EXOC6: variants seen among roughly 807,000 people sequenced by gnomAD.
EXOC6 encodes exocyst complex component 6.
A neutral mutation model predicts 112.5 loss-of-function variants in EXOC6; 60 were observed. The ratio of observed to expected loss-of-function variants is 0.53; its 90% CI spans 0.43 to 0.66. The LOEUF (loss-of-function observed/expected upper bound fraction) is 0.66. Ranked by LOEUF, EXOC6 falls within the 30% of genes least tolerant of loss-of-function variation. EXOC6 has a pLI of 0.00. For synonymous variants in EXOC6, 295 were observed against 308.0 expected (o/e 0.96, Z 0.44); for missense variants, 855 against 957.1 (o/e 0.89, Z 1.41).
At chr10:92,949,742 G>A (rs900355444) in intron 14 of EXOC6, among the ~76,000 whole-genome samples, 6 of 151,902 alleles carry the variant, frequency 3.9e-5, no homozygotes, top group Middle Eastern at 3.2e-3. Flanking sequence ...ACAGGCATGC[G>A]CCACCATGCC....
At chr10:92,918,390 C>T (rs1042607508) in intron 7 of EXOC6, among the ~76,000 whole-genome samples, 10 of 150,904 alleles carry the variant, frequency 6.6e-5, no homozygotes, top group African/African-American at 2.2e-4. Context: ...AATGGGTGAA[C>T]AGCTGAGTGT....
intron 7 of EXOC6, among the ~76,000 whole-genome samples, chr10:92,916,346 C>T (rs1851087429): frequency 6.6e-6 from 1 of 152,028 alleles, no homozygotes; most frequent in African/African-American, 2.4e-5. Flanking sequence ...CCTGTCTCTA[C>T]TAAAAATATA....
intron 18 of EXOC6, among the ~76,000 whole-genome samples, chr10:92,985,289 T>G (rs1350757084): frequency 6.6e-6 from 1 of 152,168 alleles, no homozygotes; most frequent in African/African-American, 2.4e-5. Context: ...ATTTTTATCC[T>G]CATTCATACC....
Position 92,894,830 on chromosome 10 carries a change from G to A in EXOC6, c.310G>A (p.Ala104Thr), listed in dbSNP as rs775802067. ...TGATACCAACCGAAGGTTTCAAGAT[G>A]CTGGAAAAGAGGTGAGAAAATGATA... ...VTDTNRRFQD[A>T]GKEVIVHTED... Residue 104 changes from alanine to threonine, a missense_variant, in exon 3 of 22, where the codon GCT (alanine) becomes ACT (threonine). Around this residue, in one of 2 missense-constraint regions of EXOC6, gnomAD observed 405 missense variants for 393.6 expected, o/e 1.03. Coordinates refer to ENST00000260762, the MANE Select transcript of EXOC6 (RefSeq NM_019053.6). The A allele has an allele frequency of 3.1e-6, 5 of 1,613,404 alleles. No homozygotes were observed. The highest frequency in any genetic ancestry group is 1.3e-5 in the African/African-American group (1 of 74,904).
chr10:92,957,871 T>G (rs776072784), intron 17 of EXOC6, among the ~76,000 whole-genome samples: 3 of 152,154 alleles, frequency 2.0e-5, no homozygotes, highest in Admixed American at 6.5e-5. Flanking sequence ...CAAAAACGAT[T>G]GAAGTACAGT....
chr10:92,990,651 T>C (rs1200295683), intron 18 of EXOC6, among the ~76,000 whole-genome samples: 2 of 152,192 alleles, frequency 1.3e-5, no homozygotes, highest in Non-Finnish European at 2.9e-5. Context: ...CCAGGGTACA[T>C]GTGCAGGATG....
chr10:92,920,072 G>A (rs1278391181), intron 8 of EXOC6, 22 bp downstream of exon 8: 9 of 1,441,640 alleles, frequency 6.2e-6, no homozygotes, highest in Non-Finnish European at 8.6e-6. Context: ...TTATATTTAT[G>A]TATATATAGC....
chr10:92,921,112 A>G (rs1318063387), intron 8 of EXOC6, among the ~76,000 whole-genome samples: 1 of 152,022 alleles, frequency 6.6e-6, no homozygotes, highest in Non-Finnish European at 1.5e-5. Context: ...GGTAGGATTT[A>G]TGTCTGCTCT....
At chr10:93,010,416 G>A (rs1844183771) in intron 19 of EXOC6, among the ~76,000 whole-genome samples, 1 of 152,068 alleles carries the variant, frequency 6.6e-6, no homozygotes, top group African/African-American at 2.4e-5. Flanking sequence ...GTAAAATGAA[G>A]GACTCAGCTG....
chr10:92,897,999 A>G (rs1849922378), intron 4 of EXOC6, among the ~76,000 whole-genome samples: 2 of 152,202 alleles, frequency 1.3e-5, no homozygotes, highest in South Asian at 2.1e-4. Context: ...ATAACTTTCT[A>G]CATTGACTGA....
chr10:92,863,548 G>A (rs950256042), intron 1 of EXOC6, among the ~76,000 whole-genome samples: 1 of 152,102 alleles, frequency 6.6e-6, no homozygotes, highest in Non-Finnish European at 1.5e-5. Flanking sequence ...AGGCCAAGGC[G>A]GGAAGGATTG....
At chr10:92,962,089 G>A (rs922763132) in intron 17 of EXOC6, among the ~76,000 whole-genome samples, 1 of 152,156 alleles carries the variant, frequency 6.6e-6, no homozygotes, top group Non-Finnish European at 1.5e-5. Flanking sequence ...CCAGATAATT[G>A]ATTATAGCTC....
At chr10:92,985,210 G>T (rs1842957923) in intron 18 of EXOC6, among the ~76,000 whole-genome samples, 1 of 151,858 alleles carries the variant, frequency 6.6e-6, no homozygotes, top group South Asian at 2.1e-4. Context: ...GGCCCTCTGG[G>T]TGGGGGATCA....
Position 92,848,678 on chromosome 10 carries a change from C to G in EXOC6, c.101+44C>G, listed in dbSNP as rs1290849762. 2.3e-6 allele frequency: 3 copies of G among 1,290,490 alleles called. No individual in the cohort carries two copies. The African/African-American group carries it at 4.7e-5, about 20-fold the overall frequency. 79.9% of individuals were successfully genotyped at this position (1,290,490 alleles called of 1,614,324 possible). A position where few individuals can be genotyped will look rare whatever the true frequency, so the allele number is the denominator to read the frequency against. Reference sequence around the variant, plus strand: ...CGGGACTTCGGCCCCCCGCCCCACGCCGGCCGCTCCTCACGAGCCGGGCGG... The same window carrying G: ...CGGGACTTCGGCCCCCCGCCCCACGGCGGCCGCTCCTCACGAGCCGGGCGG... On this transcript the variant is annotated intron_variant, in intron 1 of 21. Transcript: ENST00000260762.
chr10:92,961,344 G>A (rs1006491174), intron 17 of EXOC6, among the ~76,000 whole-genome samples: 1 of 151,946 alleles, frequency 6.6e-6, no homozygotes, highest in Admixed American at 6.6e-5. Flanking sequence ...TATTTCTTTT[G>A]TCATCCTTTA....
upstream of EXOC6, among the ~76,000 whole-genome samples, chr10:92,830,445 C>A (rs1374062872): frequency 6.6e-6 from 1 of 152,162 alleles, no homozygotes; most frequent in East Asian, 1.9e-4. Context: ...CAGAAAAGGG[C>A]CCCAAGGAAC....
At chr10:92,891,160 T>G (rs2133805410) in intron 1 of EXOC6, among the ~76,000 whole-genome samples, 1 of 152,278 alleles carries the variant, frequency 6.6e-6, no homozygotes, top group South Asian at 2.1e-4. Flanking sequence ...TGAGGAAGAC[T>G]ATGGGAAGGG....
At chr10:92,992,757 ATGTG>A (rs1364120050) in intron 18 of EXOC6, among the ~76,000 whole-genome samples, 12 of 152,058 alleles carry the variant, frequency 7.9e-5, no homozygotes, top group African/African-American at 2.9e-4. Flanking sequence ...TTCTTTCAGT[ATGTG>A]TATTTTAAAA....
upstream of EXOC6, chr10:92,831,428 A>C: frequency 1.2e-6 from 1 of 826,226 alleles, no homozygotes; most frequent in Admixed American, 3.2e-5. Flanking sequence ...ACTATATTCT[A>C]TTTTTTTTTT....
Sources: allele counts gnomAD v4.1 joint callset (sites outside exome capture counted in the v4.1 genomes callset), GRCh38; gene constraint gnomAD v4.1.1; regional missense constraint gnomAD v4.1.1; transcripts MANE v1.5; gene names NCBI Gene and HGNC (gene_info 2026-07-23, HGNC 2026-07-21).